Variants in ARHGAP11A observed in about 807,000 individuals in gnomAD.
ARHGAP11A encodes the protein Rho GTPase activating protein 11A.
Under a neutral mutation model 60.5 loss-of-function variants are expected in ARHGAP11A, and 36 were observed. That is an observed-to-expected ratio of 0.59 (90% CI 0.46 to 0.79). The LOEUF is 0.79. ARHGAP11A is among the 30% of genes least tolerant of loss of function. The pLI, the probability that ARHGAP11A is intolerant of heterozygous loss-of-function variation, is 0.00. For missense variants in ARHGAP11A, 1,071 were observed against 1,199.2 expected, an observed-to-expected ratio of 0.89 and a Z score of 1.58; for synonymous variants, 362 against 415.5, an observed-to-expected ratio of 0.87 and a Z score of 1.57.
intron 2 of ARHGAP11A, among the ~76,000 whole-genome samples, chr15:32,621,338 C>A (rs1483432086): frequency 6.6e-6 from 1 of 151,688 alleles, no homozygotes; most frequent in African/African-American, 2.4e-5. Flanking sequence ...TTACAGGTGT[C>A]CACCACCACA....
Position 32,623,595 on chromosome 15 carries a change from A to C in ARHGAP11A, c.297+7A>C. The C allele has an allele frequency of 6.2e-7, 1 of 1,607,610 alleles. No individual in the cohort carries two copies. On this transcript the variant is annotated splice_region_variant and intron_variant, in intron 3 of 11. Coordinates refer to ENST00000361627, the MANE Select transcript of ARHGAP11A (RefSeq NM_014783.6). ...TCGCCTAAAAGCACTAAAGGTGAGC[A>C]TATTGTTGAACTATTAATTTTTCAT...
chr15:32,626,093 A>C (rs2053453066), intron 6 of ARHGAP11A, among the ~76,000 whole-genome samples: 1 of 152,070 alleles, frequency 6.6e-6, no homozygotes, highest in Non-Finnish European at 1.5e-5. Context: ...ATTATGGTAA[A>C]CTTAATGCCA....
intron 6 of ARHGAP11A, 56 bp from the exon 7 acceptor site, chr15:32,628,672 T>A: frequency 7.4e-7 from 1 of 1,347,108 alleles, no homozygotes; most frequent in Non-Finnish European, 1.0e-6. Flanking sequence ...TAATATGAAT[T>A]ATTGGTGAAA....
rs766742349 is a variant in ARHGAP11A, at chr15:32,625,143, G to A, written c.615G>A (p.Gln205=). The A allele has an allele frequency of 6.2e-7, 1 of 1,613,928 alleles. No homozygotes were observed. Among genetic ancestry groups the A allele is most frequent in the South Asian group, 1.1e-5 (1 of 91,068 alleles). Residue 205 remains glutamine (Q), a synonymous_variant, in exon 5 of 12, where the codon CAG becomes CAA. Coordinates refer to ENST00000361627, the MANE Select transcript of ARHGAP11A (RefSeq NM_014783.6). The stretch of plus-strand genomic sequence containing the variant: ...TAATATTTGCACCGAATCTTCTTCA[G>A]ACAAGTGAAGGACATGAAAAGATGT... ...LAVIFAPNLL[Q]TSEGHEKMSS...
intron 8 of ARHGAP11A, among the ~76,000 whole-genome samples, chr15:32,632,445 G>A (rs542224170): frequency 4.6e-5 from 7 of 152,238 alleles, no homozygotes; most frequent in East Asian, 3.8e-4. Flanking sequence ...ATTACATTCC[G>A]GAGTCAGGTG....
At chr15:32,616,388 T>G (rs1164425117) in intron 1 of ARHGAP11A, 48 bp downstream of exon 1, 1 of 1,610,938 alleles carries the variant, frequency 6.2e-7, no homozygotes, top group South Asian at 1.1e-5. Flanking sequence ...GGGCACACCC[T>G]TTATCATCAC....
intron 11 of ARHGAP11A, 70 bp downstream of exon 11, chr15:32,635,985 CAT>C (rs778875333): frequency 2.0e-6 from 3 of 1,495,042 alleles, no homozygotes; most frequent in East Asian, 4.8e-5. Context: ...AATGGCAAAA[CAT>C]ATTAATTAAT....
chr15:32,637,430 GT>G lies in ARHGAP11A; in HGVS notation c.2658del (p.Ser886ArgfsTer44), dbSNP rs1390640443. On this transcript the variant is annotated frameshift_variant, in exon 12 of 12. Coordinates refer to ENST00000361627, the MANE Select transcript of ARHGAP11A (RefSeq NM_014783.6). LOFTEE classifies it low-confidence loss of function (END_TRUNC). ...GGTGCTCTTTCCTCTTGTATAGAAAGTGCATCAAAAGATTCCTCTGTTTCAT... is the reference window on the plus strand; with the variant it reads ...GGTGCTCTTTCCTCTTGTATAGAAAGGCATCAAAAGATTCCTCTGTTTCAT... ...CDGALSSCIE[S>X]ASKDSSVSCI... 6 of 1,614,004 alleles carry G rather than the reference GT, an allele frequency of 3.7e-6. No homozygotes were observed. Among genetic ancestry groups the G allele is most frequent in the Admixed American group, 1.7e-5 (1 of 60,000 alleles).
chr15:32,629,494 A>C lies in ARHGAP11A; in HGVS notation c.938-101A>C, dbSNP rs551218745. The stretch of plus-strand genomic sequence containing the variant: ...GTAAATATATTCTCATTTTTTGTTT[A>C]GCTCTAAGTAATAGCTTTATAAGAA... On this transcript the variant is annotated intron_variant, in intron 7 of 11. Coordinates refer to ENST00000361627, the MANE Select transcript of ARHGAP11A (RefSeq NM_014783.6). 15 of 775,184 alleles carry C rather than the reference A, an allele frequency of 1.9e-5. No individual in the cohort carries two copies. The African/African-American group carries it at 2.5e-4, about 13-fold the overall frequency. 48.0% of individuals were successfully genotyped at this position (775,184 alleles called of 1,614,324 possible).
intron 1 of ARHGAP11A, among the ~76,000 whole-genome samples, chr15:32,619,705 A>C (rs904490570): frequency 4.6e-5 from 7 of 152,192 alleles, no homozygotes; most frequent in African/African-American, 1.7e-4. Flanking sequence ...TAAGGTGACC[A>C]AAAGAAAGTA....
intron 2 of ARHGAP11A, among the ~76,000 whole-genome samples, chr15:32,621,766 G>A (rs2053317873): frequency 6.7e-6 from 1 of 150,032 alleles, no homozygotes; most frequent in African/African-American, 2.5e-5. Context: ...AGCTTGCAGT[G>A]AGCCAAAATT....
At chr15:32,620,016 T>A (rs953056653) in intron 1 of ARHGAP11A, 92 bp from the exon 2 acceptor site, 60 of 1,541,238 alleles carry the variant, frequency 3.9e-5, no homozygotes, top group Admixed American at 1.0e-4. Flanking sequence ...GATTTTTTTT[T>A]AATTTCCTGA....
At chr15:32,635,066 T>C (rs1456052383) in intron 10 of ARHGAP11A, among the ~76,000 whole-genome samples, 1 of 152,226 alleles carries the variant, frequency 6.6e-6, no homozygotes, top group East Asian at 1.9e-4. Context: ...CTCGTTTCAC[T>C]CTGAATAAAA....
chr15:32,635,797 T>C lies in ARHGAP11A; in HGVS notation c.1365T>C (p.Asn455=), dbSNP rs748035502. 10 of 1,608,400 alleles carry C rather than the reference T, an allele frequency of 6.2e-6. No homozygotes were observed. In the African/African-American group the frequency reaches 8.0e-5, roughly 13 times the overall value. Residue 455 remains asparagine (N), a synonymous_variant, in exon 11 of 12, where the codon AAT becomes AAC. Transcript: ENST00000361627. ...TACAGAATGGATGTTCTGGTGTCAA[T>C]AGATATGAAAGTGTTGGTTGGCGAC... The part of the protein sequence containing the change: ...GREVNGCSGV[N]RYESVGWRLA...
chr15:32,618,899 C>T (rs1047164193), intron 1 of ARHGAP11A, among the ~76,000 whole-genome samples: 1 of 152,114 alleles, frequency 6.6e-6, no homozygotes, highest in Non-Finnish European at 1.5e-5. Flanking sequence ...TGCAGTGAGC[C>T]GAGATTGCGC....
At chr15:32,634,119 T>A in intron 10 of ARHGAP11A, 78 bp downstream of exon 10, 1 of 916,122 alleles carries the variant, frequency 1.1e-6, no homozygotes, top group Non-Finnish European at 1.6e-6. Context: ...CTCATAGCCC[T>A]ACCTTCCTTC....
At chr15:32,621,074 A>T (rs901313816) in intron 2 of ARHGAP11A, among the ~76,000 whole-genome samples, 1 of 148,878 alleles carries the variant, frequency 6.7e-6, no homozygotes, top group African/African-American at 2.5e-5. Flanking sequence ...ATGTCTCTTG[A>T]AAACAAATAT....
Position 32,637,792 on chromosome 15 carries a change from C to T in ARHGAP11A, c.3019C>T (p.His1007Tyr). Residue 1007 changes from histidine (H) to tyrosine (Y), a missense_variant, in exon 12 of 12, where the codon CAT becomes TAT. Physicochemically the swap from His to Tyr is moderately conservative, Grantham distance 83. Transcript: ENST00000361627. ...GGCCTGGTACAAAGGTTCTCCAAAA[C>T]ATCCTATCGGAAAAACTCAATTACT... ...GRAWYKGSPK[H>Y]PIGKTQLLPT... is the part of the protein sequence containing the mutation. 8.7e-6 allele frequency: 14 copies of T among 1,607,906 alleles called. No homozygotes were observed. Among genetic ancestry groups the T allele is most frequent in the Non-Finnish European group, 1.2e-5 (14 of 1,178,252 alleles).
rs751046100 is a variant in ARHGAP11A, at chr15:32,616,236, T to C, written c.25T>C (p.Leu9=). 7.2e-5 allele frequency: 117 copies of C among 1,614,006 alleles called. No individual in the cohort carries two copies. The highest frequency in any genetic ancestry group is 9.7e-5 in the Non-Finnish European group (115 of 1,180,022). ...AATGTGGGATCAGAGGCTGGTGAGGTTGGCCCTGTTGCAGCATCTGCGGGC... is the reference window on the plus strand; with the variant it reads ...AATGTGGGATCAGAGGCTGGTGAGGCTGGCCCTGTTGCAGCATCTGCGGGC... MWDQRLVR[L]ALLQHLRAFY... is the part of the protein sequence containing the mutation. The change falls in exon 1 of 12, where the codon TTG becomes CTG. Residue 9 remains leucine, a synonymous_variant. Coordinates refer to ENST00000361627, the MANE Select transcript of ARHGAP11A (RefSeq NM_014783.6).
Sources: gnomAD v4.1 joint callset for allele counts (sites outside exome capture counted in the v4.1 genomes callset) on GRCh38, gnomAD v4.1.1 for gene constraint, MANE v1.5 for transcripts, NCBI Gene and HGNC (gene_info 2026-07-23, HGNC 2026-07-21) for gene names.